The following NUFIP1 variants were observed in gnomAD, a reference collection of about 807,000 sequenced individuals.
NUFIP1 encodes the protein FMR1-interacting protein NUFIP1.
NUFIP1 carries 38 observed loss-of-function variants against 56.2 expected under a neutral mutation model. The ratio of observed to expected loss-of-function variants is 0.68; its 90% CI spans 0.52 to 0.89. The LOEUF is 0.89. Ranked by LOEUF, NUFIP1 falls within the 40% of genes least tolerant of loss-of-function variation. The pLI is 0.00. For missense variants in NUFIP1, 567 were observed against 605.8 expected (o/e 0.94, Z 0.67); for synonymous variants, 215 against 212.4 (o/e 1.01, Z -0.10).
chr13:44,965,000 G>C (rs1871549381), intron 6 of NUFIP1, among the ~76,000 whole-genome samples: 1 of 152,150 alleles, frequency 6.6e-6, no homozygotes, highest in South Asian at 2.1e-4. Flanking sequence ...AAAATATACA[G>C]CACCTGATGT....
At chr13:44,978,915 A>C (rs999890050) in intron 5 of NUFIP1, among the ~76,000 whole-genome samples, 1 of 152,162 alleles carries the variant, frequency 6.6e-6, no homozygotes, top group African/African-American at 2.4e-5. Context: ...AAGAGTACCC[A>C]CCCATTATTG....
At chr13:44,971,840 G>A (rs1030492100) in intron 5 of NUFIP1, among the ~76,000 whole-genome samples, 6 of 152,140 alleles carry the variant, frequency 3.9e-5, no homozygotes, top group East Asian at 1.9e-4. Context: ...GAGGAGAGCC[G>A]CCTACTCCGG....
At chr13:44,962,983 A>G (rs538433971) in intron 6 of NUFIP1, among the ~76,000 whole-genome samples, 1 of 152,144 alleles carries the variant, frequency 6.6e-6, no homozygotes, top group Non-Finnish European at 1.5e-5. Context: ...TGATATTCAT[A>G]ACGACAAAAT....
At chr13:44,964,041 A>G (rs982544866) in intron 6 of NUFIP1, among the ~76,000 whole-genome samples, 1 of 152,202 alleles carries the variant, frequency 6.6e-6, no homozygotes, top group Non-Finnish European at 1.5e-5. Context: ...ACTGTAATTC[A>G]TATGTGAAAA....
intron 3 of NUFIP1, 64 bp from the exon 4 acceptor site, chr13:44,980,016 A>T (rs981429671): frequency 3.5e-6 from 4 of 1,141,918 alleles, no homozygotes; most frequent in Non-Finnish European, 5.1e-6. Flanking sequence ...AATTTACCCC[A>T]CTATACATAC....
chr13:44,945,747 G>A (rs1870884073), intron 8 of NUFIP1, among the ~76,000 whole-genome samples: 1 of 152,000 alleles, frequency 6.6e-6, no homozygotes, highest in African/African-American at 2.4e-5. Context: ...CAAATTTTAA[G>A]CTCAGAATCT....
chr13:44,973,599 C>G (rs1302442752), intron 5 of NUFIP1, among the ~76,000 whole-genome samples: 1 of 152,100 alleles, frequency 6.6e-6, no homozygotes, highest in Non-Finnish European at 1.5e-5. Flanking sequence ...AGAGCTCACA[C>G]TTAATTCAAG....
intron 7 of NUFIP1, among the ~76,000 whole-genome samples, chr13:44,959,102 T>A (rs1871334952): frequency 1.3e-5 from 2 of 152,156 alleles, no homozygotes; most frequent in Non-Finnish European, 2.9e-5. Flanking sequence ...AAAACAATCT[T>A]AAGAAATTTC....
chr13:44,948,788 T>C (rs1227753207), intron 8 of NUFIP1, among the ~76,000 whole-genome samples: 1 of 152,200 alleles, frequency 6.6e-6, no homozygotes, highest in Non-Finnish European at 1.5e-5. Flanking sequence ...AATTTCACAA[T>C]GAAGCCTCAC....
chr13:44,971,488 T>C (rs1170007034), intron 5 of NUFIP1, among the ~76,000 whole-genome samples: 1 of 152,172 alleles, frequency 6.6e-6, no homozygotes, highest in Non-Finnish European at 1.5e-5. Context: ...ACCAATCCTT[T>C]ATTCAGAAGG....
chr13:44,969,482 G>A (rs1483483306), intron 5 of NUFIP1, among the ~76,000 whole-genome samples: 14 of 152,152 alleles, frequency 9.2e-5, no homozygotes, highest in Non-Finnish European at 1.5e-5. Flanking sequence ...TCTCCTGTTA[G>A]AGAATGGATA....
rs531362907 is a variant in NUFIP1, at chr13:44,979,009, A to T, written c.734+181T>A. Among the ~76,000 whole-genome samples, 4 of 152,342 alleles carry T rather than the reference A, an allele frequency of 2.6e-5. No individual in the cohort carries two copies. The South Asian group carries it at 8.3e-4, about 32-fold the overall frequency. ...ACAGTCCCATTATGACACATTTGCT[A>T]CTTAAATGAAGAGTTCTTATTAGGT... On this transcript the variant is annotated intron_variant, in intron 5 of 9. Transcript: ENST00000379161.
chr13:44,955,731 G>T (rs1871208768), intron 7 of NUFIP1, among the ~76,000 whole-genome samples: 2 of 152,104 alleles, frequency 1.3e-5, no homozygotes, highest in Admixed American at 1.3e-4. Flanking sequence ...AATATTTACG[G>T]CAGGGGTGTC....
At chr13:44,966,384 A>G (rs1003142131) in intron 5 of NUFIP1, among the ~76,000 whole-genome samples, 6 of 151,950 alleles carry the variant, frequency 3.9e-5, no homozygotes, top group African/African-American at 1.4e-4. Flanking sequence ...GTGCGATCTC[A>G]GCTCACTGCA....
At position 44,946,961 on chromosome 13, in the gene NUFIP1, G is replaced by T. The variant is rs551714164; in HGVS notation, c.1138+2761C>A. Among the ~76,000 whole-genome samples, 6 of 152,278 alleles carry T rather than the reference G, an allele frequency of 3.9e-5. No individual in the cohort carries two copies. In the South Asian group the frequency reaches 1.2e-3, roughly 32 times the overall value. On this transcript the variant is annotated intron_variant, in intron 8 of 9. Coordinates refer to ENST00000379161, the MANE Select transcript of NUFIP1 (RefSeq NM_012345.3). ...TCAAATTATATAAAATAATTCTTAA[G>T]ACTTAGGAATGTGAAGCAAGGGTTT...
chr13:44,966,860 C>G (rs1871622061), intron 5 of NUFIP1, among the ~76,000 whole-genome samples: 1 of 151,694 alleles, frequency 6.6e-6, no homozygotes, highest in Non-Finnish European at 1.5e-5. Flanking sequence ...GTAATCCCAG[C>G]TACTCGGGAG....
At chr13:44,979,074 G>A (rs1872089160) in intron 5 of NUFIP1, 116 bp downstream of exon 5, 2 of 754,514 alleles carry the variant, frequency 2.7e-6, no homozygotes, top group Admixed American at 2.7e-5. Context: ...TACATAATAT[G>A]CCTTATGGTC....
At chr13:44,966,242 A>G (rs990598596) in intron 5 of NUFIP1, among the ~76,000 whole-genome samples, 1 of 152,206 alleles carries the variant, frequency 6.6e-6, no homozygotes, top group African/African-American at 2.4e-5. Context: ...TATGGCATGT[A>G]CCCATAAATA....
intron 7 of NUFIP1, among the ~76,000 whole-genome samples, chr13:44,950,683 C>T (rs1871060071): frequency 6.6e-6 from 1 of 152,124 alleles, no homozygotes; most frequent in Admixed American, 6.6e-5. Flanking sequence ...CTTCTAAGAA[C>T]TTAAATAAAC....
Sources: gnomAD v4.1 joint callset for allele counts (sites outside exome capture counted in the v4.1 genomes callset) on GRCh38, gnomAD v4.1.1 for gene constraint, MANE v1.5 for transcripts, NCBI Gene and HGNC (gene_info 2026-07-23, HGNC 2026-07-21) for gene names.